Variants in SLC44A5 observed in about 807,000 individuals in gnomAD.
SLC44A5 encodes the protein solute carrier family 44 member 5.
SLC44A5 carries 57 observed loss-of-function variants against 101.8 expected under a neutral mutation model. The ratio of observed to expected loss-of-function variants is 0.56; its 90% CI spans 0.45 to 0.70. The LOEUF is 0.70. Ranked by LOEUF, SLC44A5 falls within the 30% of genes least tolerant of loss-of-function variation. SLC44A5 has a pLI of 0.00. For missense variants in SLC44A5, 737 were observed against 853.1 expected, an observed-to-expected ratio of 0.86 and a Z score of 1.70; for synonymous variants, 281 against 290.9, an observed-to-expected ratio of 0.97 and a Z score of 0.35.
At chr1:75,366,226 G>T (rs1228582048) in intron 3 of SLC44A5, among the ~76,000 whole-genome samples, 1 of 152,140 alleles carries the variant, frequency 6.6e-6, no homozygotes, top group African/African-American at 2.4e-5. Flanking sequence ...ACCTAGTGGT[G>T]ATGAAGTCCC....
intron 2 of SLC44A5, among the ~76,000 whole-genome samples, chr1:75,526,571 A>C (rs888438803): frequency 2.0e-5 from 3 of 152,190 alleles, no homozygotes; most frequent in African/African-American, 7.2e-5. Context: ...GTTGTGCTAA[A>C]GCCACTGAGA....
At chr1:75,592,042 A>C (rs1016263802) in intron 1 of SLC44A5, among the ~76,000 whole-genome samples, 7 of 152,164 alleles carry the variant, frequency 4.6e-5, no homozygotes, top group Admixed American at 6.5e-5. Flanking sequence ...CAATCAGACA[A>C]GAGAAAAATA....
chr1:75,473,903 T>C (rs1667245852), intron 2 of SLC44A5, among the ~76,000 whole-genome samples: 1 of 152,202 alleles, frequency 6.6e-6, no homozygotes, highest in Non-Finnish European at 1.5e-5. Context: ...CTTCTAAATA[T>C]GAGCTCTGTG....
intron 3 of SLC44A5, among the ~76,000 whole-genome samples, chr1:75,396,180 G>A (rs910694608): frequency 4.6e-5 from 7 of 152,040 alleles, no homozygotes; most frequent in East Asian, 1.9e-4. Context: ...GCCGGCTGTC[G>A]GAAAAAGAAG....
the SLC44A5 span, among the ~76,000 whole-genome samples, chr1:75,686,972 T>C: frequency 6.6e-6 from 1 of 152,200 alleles, no homozygotes; most frequent in Non-Finnish European, 1.5e-5. Flanking sequence ...ATGTGGTAAA[T>C]ACTAATGCTT....
chr1:75,559,532 A>G (rs1212567990), intron 1 of SLC44A5, among the ~76,000 whole-genome samples: 1 of 152,178 alleles, frequency 6.6e-6, no homozygotes, highest in Non-Finnish European at 1.5e-5. Context: ...CTAGTGAGCA[A>G]CAGGCAAAGG....
the SLC44A5 span, among the ~76,000 whole-genome samples, chr1:75,697,675 C>A: frequency 3.6e-4 from 55 of 152,300 alleles, 1 homozygote; most frequent in African/African-American, 1.2e-3. Context: ...GGGACAGCTC[C>A]AGTCTACAGC....
chr1:75,551,933 C>A (rs1455377846), intron 1 of SLC44A5, among the ~76,000 whole-genome samples: 10 of 152,204 alleles, frequency 6.6e-5, no homozygotes, highest in Admixed American at 5.9e-4. Flanking sequence ...TGATCCTACA[C>A]TTTTTGTGCT....
chr1:75,587,797 A>G (rs1045251629), intron 1 of SLC44A5, among the ~76,000 whole-genome samples: 1 of 152,064 alleles, frequency 6.6e-6, no homozygotes, highest in South Asian at 2.1e-4. Context: ...TTTCCTTTTC[A>G]GTTGGGCCCT....
intron 4 of SLC44A5, among the ~76,000 whole-genome samples, chr1:75,314,847 T>C (rs1004915247): frequency 2.6e-5 from 4 of 152,202 alleles, no homozygotes; most frequent in African/African-American, 9.6e-5. Context: ...AGAGTTTTCC[T>C]AGAAGAATAA....
intron 18 of SLC44A5, among the ~76,000 whole-genome samples, chr1:75,217,166 G>A (rs1289434620): frequency 6.6e-6 from 1 of 151,958 alleles, no homozygotes; most frequent in Non-Finnish European, 1.5e-5. Flanking sequence ...TCTTTTGCAT[G>A]TGGATATCCC....
At chr1:75,418,763 T>C (rs1663819625) in intron 2 of SLC44A5, among the ~76,000 whole-genome samples, 1 of 152,238 alleles carries the variant, frequency 6.6e-6, no homozygotes, top group African/African-American at 2.4e-5. Flanking sequence ...CATATATTCC[T>C]ATTTGTATTT....
chr1:75,402,805 T>C (rs1662581671), intron 2 of SLC44A5, among the ~76,000 whole-genome samples: 1 of 152,036 alleles, frequency 6.6e-6, no homozygotes, highest in African/African-American at 2.4e-5. Context: ...GCAGGAGTTT[T>C]TTTCATACCC....
At chr1:75,314,003 G>T (rs1363115175) in intron 4 of SLC44A5, among the ~76,000 whole-genome samples, 8 of 152,154 alleles carry the variant, frequency 5.3e-5, no homozygotes, top group Non-Finnish European at 1.0e-4. Context: ...TAGCTTATGT[G>T]CATGAGAAAG....
chr1:75,708,087 T>C, the SLC44A5 span, among the ~76,000 whole-genome samples: 1 of 152,072 alleles, frequency 6.6e-6, no homozygotes, highest in Non-Finnish European at 1.5e-5. Context: ...ACTGGTAAAA[T>C]ATTTCTAGAG....
intron 1 of SLC44A5, among the ~76,000 whole-genome samples, chr1:75,593,314 A>C (rs1674454186): frequency 6.6e-6 from 1 of 152,116 alleles, no homozygotes; most frequent in African/African-American, 2.4e-5. Context: ...AAAATGACTT[A>C]CATCCAAAAG....
chr1:75,631,526 C>T, the SLC44A5 span, among the ~76,000 whole-genome samples: 2 of 149,968 alleles, frequency 1.3e-5, no homozygotes, highest in Non-Finnish European at 3.0e-5. Flanking sequence ...GCATGCACAA[C>T]CACACCTGGC....
intron 2 of SLC44A5, among the ~76,000 whole-genome samples, chr1:75,496,143 CCAAA>C (rs899526777): frequency 2.0e-5 from 3 of 151,764 alleles, no homozygotes; most frequent in African/African-American, 4.8e-5. Flanking sequence ...CCCAAATAGC[CCAAA>C]CAATCTTGAG....
intron 2 of SLC44A5, among the ~76,000 whole-genome samples, chr1:75,447,467 A>G (rs1285252443): frequency 6.6e-6 from 1 of 152,166 alleles, no homozygotes; most frequent in Non-Finnish European, 1.5e-5. Flanking sequence ...TGATAGAAAT[A>G]TTTTAAAATA....
Sources: gnomAD v4.1 joint callset for allele counts (sites outside exome capture counted in the v4.1 genomes callset) on GRCh38, gnomAD v4.1.1 for gene constraint, MANE v1.5 for transcripts, NCBI Gene and HGNC (gene_info 2026-07-23, HGNC 2026-07-21) for gene names.